Variants in ROBO1 observed in about 807,000 individuals in gnomAD.
ROBO1 encodes the protein roundabout homolog 1.
Under a neutral mutation model 195.9 loss-of-function variants are expected in ROBO1, and 149 were observed. The observed-to-expected ratio is 0.76, with a 90% confidence interval of 0.67 to 0.87. ROBO1 has a LOEUF of 0.87. Ranked by LOEUF, ROBO1 falls within the 40% of genes least tolerant of loss-of-function variation. The pLI, the probability that ROBO1 is intolerant of heterozygous loss-of-function variation, is 0.00. For missense variants in ROBO1, 1,933 were observed against 2,068.3 expected (o/e 0.93, Z 1.27); for synonymous variants, 816 against 733.2 (o/e 1.11, Z -1.82).
chr3:78,662,886 T>G (rs1707512933), intron 14 of ROBO1, among the ~76,000 whole-genome samples: 1 of 152,192 alleles, frequency 6.6e-6, no homozygotes, highest in African/African-American at 2.4e-5. Context: ...TGTTAATTTT[T>G]TTTTATAAGC....
At chr3:78,796,491 G>A (rs2084188915) in intron 4 of ROBO1, among the ~76,000 whole-genome samples, 1 of 131,332 alleles carries the variant, frequency 7.6e-6, no homozygotes, top group Non-Finnish European at 1.6e-5. Context: ...TGATGTAAGA[G>A]CCAGCTGGAA....
rs577751935 is a variant in ROBO1 at position 79,032,122 on chromosome 3, A to C, written c.173-93195T>G. Among the ~76,000 whole-genome samples, 14 of 151,738 alleles carry C rather than the reference A, an allele frequency of 9.2e-5. No homozygotes were observed. The East Asian group carries it at 2.5e-3, about 27-fold the overall frequency. On this transcript the variant is annotated intron_variant, in intron 3 of 30. Coordinates refer to ENST00000464233, the MANE Select transcript of ROBO1 (RefSeq NM_002941.4). ...TAGATAAGGCTTAAGAGAGGGAAAC[A>C]ATAGCTTCTAGAATGAAAGAATCAT... is the stretch of plus-strand genomic sequence containing the variant.
intron 2 of ROBO1, among the ~76,000 whole-genome samples, chr3:79,258,499 T>C (rs748130124): frequency 2.0e-5 from 3 of 152,190 alleles, no homozygotes; most frequent in Non-Finnish European, 4.4e-5. Flanking sequence ...TTGTAAATAT[T>C]TCAGTTGGTT....
chr3:79,631,343 T>C lies in ROBO1; in HGVS notation c.-50-41382A>G, dbSNP rs547854519. Reference sequence around the variant, plus strand: ...CAGAAATAAAGCCTCATATCTGTAATCAACAGATCTTCAACAAGATCAACA... The same window carrying C: ...CAGAAATAAAGCCTCATATCTGTAACCAACAGATCTTCAACAAGATCAACA... On this transcript the variant is annotated intron_variant, in intron 1 of 30. Transcript: ENST00000464233. Among the ~76,000 whole-genome samples, 295 of 151,964 alleles carry C rather than the reference T, an allele frequency of 1.9e-3. 2 individuals are homozygous for C. The highest frequency in any genetic ancestry group is 3.4e-3 in the Middle Eastern group (1 of 292).
chr3:79,457,542 A>C (rs2039656899), intron 2 of ROBO1, among the ~76,000 whole-genome samples: 2 of 151,952 alleles, frequency 1.3e-5, no homozygotes, highest in African/African-American at 4.8e-5. Flanking sequence ...ATATGGTTTG[A>C]CTGTGTCCCC....
At position 79,019,104 on chromosome 3, in the gene ROBO1, T is replaced by C. The variant is rs551965545; in HGVS notation, c.173-80177A>G. Reference sequence around the variant, plus strand: ...CTGGGCGGGCCCTTGTTCCCATCACTTGGGGGATGCGGAGGGTACTGGAGA... The same window carrying C: ...CTGGGCGGGCCCTTGTTCCCATCACCTGGGGGATGCGGAGGGTACTGGAGA... On this transcript the variant is annotated intron_variant, in intron 3 of 30. Coordinates refer to ENST00000464233, the MANE Select transcript of ROBO1 (RefSeq NM_002941.4). 6.5e-5 allele frequency: 64 copies of C among 987,284 alleles called. No homozygotes were observed. The East Asian group carries it at 5.6e-3, about 86-fold the overall frequency. The allele number at this position is 987,284 out of a possible 1,614,324, so 61.2% of individuals were successfully genotyped here.
chr3:79,489,627 C>A (rs1420519061), intron 2 of ROBO1, among the ~76,000 whole-genome samples: 2 of 147,610 alleles, frequency 1.4e-5, no homozygotes, highest in East Asian at 2.0e-4. Context: ...TGCACTCCAG[C>A]CTGGGGAGAG....
chr3:79,261,901 T>C (rs1301819533), intron 2 of ROBO1, among the ~76,000 whole-genome samples: 1 of 152,070 alleles, frequency 6.6e-6, no homozygotes, highest in Non-Finnish European at 1.5e-5. Flanking sequence ...ACGTTGTAAT[T>C]GATCTATAGA....
At chr3:79,164,043 T>C (rs1003298106) in intron 2 of ROBO1, among the ~76,000 whole-genome samples, 2 of 152,170 alleles carry the variant, frequency 1.3e-5, no homozygotes, top group African/African-American at 4.8e-5. Flanking sequence ...GGAATTGTTT[T>C]ATAAGGGGAG....
chr3:79,039,934 T>C (rs1324631010), intron 3 of ROBO1, among the ~76,000 whole-genome samples: 1 of 152,092 alleles, frequency 6.6e-6, no homozygotes, highest in East Asian at 1.9e-4. Context: ...GCTATAATGA[T>C]GGAATGAGAT....
At chr3:78,920,658 A>G (rs1222243145) in intron 4 of ROBO1, among the ~76,000 whole-genome samples, 1 of 84,974 alleles carries the variant, frequency 1.2e-5, no homozygotes, top group Admixed American at 1.4e-4. Flanking sequence ...TTTTTGACAG[A>G]AGGTTTTACT....
intron 19 of ROBO1, among the ~76,000 whole-genome samples, chr3:78,651,219 C>A (rs1030396919): frequency 6.6e-6 from 1 of 151,946 alleles, no homozygotes; most frequent in Non-Finnish European, 1.5e-5. Context: ...AGGGACTAAC[C>A]CTCTTCTCTC....
chr3:78,914,666 T>C (rs893390846), intron 4 of ROBO1, among the ~76,000 whole-genome samples: 8 of 148,164 alleles, frequency 5.4e-5, no homozygotes, highest in African/African-American at 2.0e-4. Context: ...TAATTTTATA[T>C]AAAATTTATA....
intron 2 of ROBO1, among the ~76,000 whole-genome samples, chr3:79,386,760 G>A: frequency 6.6e-6 from 1 of 152,116 alleles, no homozygotes; most frequent in East Asian, 1.9e-4. Flanking sequence ...TTATGTCACA[G>A]AGCATTTTGA....
intron 23 of ROBO1, 106 bp from the exon 24 acceptor site, chr3:78,634,148 A>G (rs1055868051): frequency 1.5e-6 from 1 of 680,156 alleles, no homozygotes; most frequent in Non-Finnish European, 2.4e-6. Context: ...AACAAATTGG[A>G]CCATTTATTT....
At chr3:79,414,054 A>G (rs998889640) in intron 2 of ROBO1, among the ~76,000 whole-genome samples, 10 of 152,042 alleles carry the variant, frequency 6.6e-5, no homozygotes, top group Non-Finnish European at 1.5e-4. Flanking sequence ...TTTCTACTTT[A>G]TATACTCCTA....
chr3:78,890,603 T>G (rs746698763), intron 4 of ROBO1, among the ~76,000 whole-genome samples: 1 of 152,270 alleles, frequency 6.6e-6, no homozygotes, highest in Non-Finnish European at 1.5e-5. Context: ...AGCAAAAGGA[T>G]ATTTTTTTGT....
chr3:78,859,653 T>A (rs1210464281), intron 4 of ROBO1, among the ~76,000 whole-genome samples: 4 of 152,070 alleles, frequency 2.6e-5, no homozygotes, highest in African/African-American at 9.7e-5. Context: ...AGACACTGAA[T>A]TAGAAATAAA....
chr3:79,403,207 T>G (rs1464619007), intron 2 of ROBO1, among the ~76,000 whole-genome samples: 5 of 152,018 alleles, frequency 3.3e-5, no homozygotes, highest in African/African-American at 4.8e-5. Context: ...CTTTTTGGAT[T>G]ATTTTCTTTA....
Sources: gnomAD v4.1 joint callset for allele counts (sites outside exome capture counted in the v4.1 genomes callset) on GRCh38, gnomAD v4.1.1 for gene constraint, MANE v1.5 for transcripts, NCBI Gene and HGNC (gene_info 2026-07-23, HGNC 2026-07-21) for gene names.